The following ZNF804A variants were observed in gnomAD, a reference collection of about 807,000 sequenced individuals.
ZNF804A encodes zinc finger protein 804A.
A neutral mutation model predicts 16.5 loss-of-function variants in ZNF804A; 2 were observed. The ratio of observed to expected loss-of-function variants is 0.12; its 90% CI spans 0.05 to 0.38. ZNF804A has a LOEUF of 0.38. Among genes scored for constraint, ZNF804A ranks in the 10% least tolerant of loss-of-function variants. The probability of loss-of-function intolerance (pLI) is 0.99; values close to 1 mark genes in which losing one functional copy is unlikely to be tolerated. For synonymous variants in ZNF804A, 534 were observed against 489.6 expected (o/e 1.09, Z -1.20); for missense variants, 1,473 against 1,390.7 (o/e 1.06, Z -0.94).
intron 1 of ZNF804A, among the ~76,000 whole-genome samples, chr2:184,702,302 T>C (rs76167860): frequency 0.082 from 12,542 of 152,126 alleles, 620 homozygotes; most frequent in Middle Eastern, 0.13. Flanking sequence ...AGCTGTTACA[T>C]GCTATAGAGA....
chr2:184,900,753 C>T (rs757119326), intron 2 of ZNF804A, among the ~76,000 whole-genome samples: 23 of 151,992 alleles, frequency 1.5e-4, no homozygotes, highest in Non-Finnish European at 2.6e-4. Context: ...TAAAAGAGAG[C>T]GAAATGAAAT....
At chr2:184,605,140 T>C (rs1175762709) in intron 1 of ZNF804A, among the ~76,000 whole-genome samples, 1 of 152,150 alleles carries the variant, frequency 6.6e-6, no homozygotes, top group African/African-American at 2.4e-5. Flanking sequence ...TGATATGGCA[T>C]TGAAATAGTT....
chr2:184,804,452 T>G (rs191251092), intron 1 of ZNF804A, among the ~76,000 whole-genome samples: 1 of 152,364 alleles, frequency 6.6e-6, no homozygotes, highest in Admixed American at 6.5e-5. Context: ...ATAAGCAGCA[T>G]GAACATCATC....
intron 1 of ZNF804A, among the ~76,000 whole-genome samples, chr2:184,644,823 A>G (rs565704783): frequency 6.6e-6 from 1 of 152,160 alleles, no homozygotes; most frequent in African/African-American, 2.4e-5. Flanking sequence ...CATTTTAGAT[A>G]AATATTTTTC....
Position 184,939,045 on chromosome 2 carries a change from A to G in ZNF804A, c.*19A>G, listed in dbSNP as rs762401201. 15 of 1,606,572 alleles carry G rather than the reference A, an allele frequency of 9.3e-6. No homozygotes were observed. The highest frequency in any genetic ancestry group is 1.3e-5 in the Non-Finnish European group (15 of 1,174,664). On this transcript the variant is annotated 3_prime_UTR_variant, in exon 4 of 4. Transcript: ENST00000302277. The stretch of plus-strand genomic sequence containing the variant: ...CTTCTAGTCATCACCATAATGGGAA[A>G]AAAATACTCTTGTGAAAACTATTGC...
At chr2:184,653,876 G>A (rs1692031173) in intron 1 of ZNF804A, among the ~76,000 whole-genome samples, 1 of 152,222 alleles carries the variant, frequency 6.6e-6, no homozygotes, top group Non-Finnish European at 1.5e-5. Context: ...AACTTCAAGT[G>A]TTTTATTTTA....
At chr2:184,835,662 A>G (rs1695331833) in intron 1 of ZNF804A, among the ~76,000 whole-genome samples, 1 of 126,310 alleles carries the variant, frequency 7.9e-6, no homozygotes, top group African/African-American at 4.1e-5. Context: ...TCAGGAAGGC[A>G]TGAAAAAAAA....
At chr2:184,749,043 T>G (rs189293689) in intron 1 of ZNF804A, among the ~76,000 whole-genome samples, 75 of 151,750 alleles carry the variant, frequency 4.9e-4, no homozygotes, top group African/African-American at 1.7e-3. Context: ...TTGATCTTTT[T>G]GCTTATAATT....
intron 1 of ZNF804A, among the ~76,000 whole-genome samples, chr2:184,826,035 C>CTATTTATT (rs71011060): frequency 0.26 from 39,183 of 149,394 alleles, 6,160 homozygotes; most frequent in African/African-American, 0.43. Context: ...CCATGCCAGG[C>CTATTTATT]TATTTATTTA....
intron 1 of ZNF804A, among the ~76,000 whole-genome samples, chr2:184,856,406 G>A (rs1463256672): frequency 6.6e-6 from 1 of 151,974 alleles, no homozygotes; most frequent in Non-Finnish European, 1.5e-5. Context: ...GTCATAGGTA[G>A]AGAGTGAAAG....
intron 1 of ZNF804A, among the ~76,000 whole-genome samples, chr2:184,791,785 A>G (rs1397191817): frequency 6.6e-6 from 1 of 152,164 alleles, no homozygotes; most frequent in Non-Finnish European, 1.5e-5. Flanking sequence ...ACATGTATCC[A>G]CGGTAATAGT....
At chr2:184,686,353 A>G (rs1311586699) in intron 1 of ZNF804A, among the ~76,000 whole-genome samples, 1 of 152,194 alleles carries the variant, frequency 6.6e-6, no homozygotes, top group Non-Finnish European at 1.5e-5. Flanking sequence ...ACATCTTCTC[A>G]GTGGCCGCTC....
chr2:184,831,014 G>A (rs1223560067), intron 1 of ZNF804A, among the ~76,000 whole-genome samples: 3 of 152,062 alleles, frequency 2.0e-5, no homozygotes, highest in Non-Finnish European at 2.9e-5. Flanking sequence ...CTGCAACAAA[G>A]TATGTTTTAA....
chr2:184,671,904 T>A (rs1009696030), intron 1 of ZNF804A, among the ~76,000 whole-genome samples: 1 of 152,322 alleles, frequency 6.6e-6, no homozygotes, highest in South Asian at 2.1e-4. Flanking sequence ...AAATAATGCA[T>A]CATTCATTGC....
intron 1 of ZNF804A, among the ~76,000 whole-genome samples, chr2:184,830,795 G>GA (rs1695252338): frequency 6.6e-6 from 1 of 152,076 alleles, no homozygotes; most frequent in Admixed American, 6.6e-5. Flanking sequence ...CTGAAGCACT[G>GA]AAAAGAGTTC....
intron 1 of ZNF804A, among the ~76,000 whole-genome samples, chr2:184,790,784 T>C (rs1694527779): frequency 6.6e-6 from 1 of 152,008 alleles, no homozygotes; most frequent in Non-Finnish European, 1.5e-5. Context: ...TTTGTATTTT[T>C]AGTAGAGACA....
At position 184,823,293 on chromosome 2, in the gene ZNF804A, C is replaced by T. The variant is rs531779853; in HGVS notation, c.112-43076C>T. Among the ~76,000 whole-genome samples, 8 of 152,138 alleles carry T rather than the reference C, an allele frequency of 5.3e-5. No homozygotes were observed. In the South Asian group the frequency reaches 1.7e-3, roughly 32 times the overall value. On this transcript the variant is annotated intron_variant, in intron 1 of 3. Transcript: ENST00000302277. ...ATTAATCCCATTTATGAGAGCTCCA[C>T]CCACATGATTTAACACCTCCTAAGA...
chr2:184,667,967 T>C (rs997618960), intron 1 of ZNF804A, among the ~76,000 whole-genome samples: 1 of 151,818 alleles, frequency 6.6e-6, no homozygotes, highest in Non-Finnish European at 1.5e-5. Flanking sequence ...TTTGAGGCAA[T>C]GTGATCTCTT....
chr2:184,854,568 G>T (rs545941683), intron 1 of ZNF804A, among the ~76,000 whole-genome samples: 1 of 152,100 alleles, frequency 6.6e-6, no homozygotes, highest in South Asian at 2.1e-4. Flanking sequence ...ACAGTTGTAA[G>T]AATAAAAGCA....
Sources: gnomAD v4.1 joint callset for allele counts (sites outside exome capture counted in the v4.1 genomes callset) on GRCh38, gnomAD v4.1.1 for gene constraint, MANE v1.5 for transcripts, NCBI Gene and HGNC (gene_info 2026-07-23, HGNC 2026-07-21) for gene names.